Variants in EPHA8 observed in about 807,000 individuals in gnomAD.
The protein encoded by EPHA8 is EPH receptor A8.
In EPHA8, 58 loss-of-function variants were observed where a neutral mutation model predicts 103.6. That is an observed-to-expected ratio of 0.56 (90% CI 0.45 to 0.70). EPHA8 has a LOEUF of 0.70. EPHA8 is among the 30% of genes least tolerant of loss of function. The pLI is 0.00. For synonymous variants in EPHA8, 559 were observed against 572.5 expected (o/e 0.98, Z 0.34); for missense variants, 1,304 against 1,395.2 (o/e 0.93, Z 1.04).
chr1:22,601,010 G>C lies in EPHA8; in HGVS notation c.2651G>C (p.Arg884Pro). The part of the protein sequence containing the change: ...CWHKDRAQRP[R>P]FSQIVSVLDA... Reference sequence around the variant, plus strand: ...CACAAGGACCGGGCGCAGCGGCCTCGCTTCTCCCAGATTGTCAGTGTCCTC... The same window carrying C: ...CACAAGGACCGGGCGCAGCGGCCTCCCTTCTCCCAGATTGTCAGTGTCCTC... The change falls in exon 15 of 17, where the codon CGC (arginine) becomes CCC (proline). Residue 884 changes from arginine (R) to proline (P), a missense_variant. Physicochemically the swap from Arg to Pro is moderately radical, Grantham distance 103. Transcript: ENST00000166244. The C allele has an allele frequency of 6.2e-7, 1 of 1,612,856 alleles. No individual in the cohort carries two copies. Among genetic ancestry groups the C allele is most frequent in the South Asian group, 1.1e-5 (1 of 91,082 alleles).
chr1:22,593,911 C>G (rs1641446742), intron 7 of EPHA8, among the ~76,000 whole-genome samples: 1 of 152,262 alleles, frequency 6.6e-6, no homozygotes, highest in African/African-American at 2.4e-5. Flanking sequence ...CAGCTCACTG[C>G]AACCTCCACC....
In EPHA8 at chr1:22,588,949, A is replaced by C; in HGVS notation, c.1058A>C (p.Asp353Ala). The change falls in exon 5 of 17, where the codon GAC (aspartate) becomes GCC (alanine). Residue 353 changes from aspartate (D) to alanine (A), a missense_variant. Transcript: ENST00000166244. ...ACTCTGGAGTGGGCCCCTCCCCTGG[A>C]CCCAGGTGGCCGCAGTGACATCACC... Reference protein sequence around the residue: ...SVTLEWAPPLDPGGRSDITYN... With the variant: ...SVTLEWAPPLAPGGRSDITYN... 1 of 1,612,814 alleles carries C rather than the reference A, an allele frequency of 6.2e-7. No homozygotes were observed.
intron 3 of EPHA8, among the ~76,000 whole-genome samples, chr1:22,577,813 CATGTGTGT>C (rs1640757776): frequency 7.0e-6 from 1 of 142,302 alleles, no homozygotes; most frequent in Non-Finnish European, 1.5e-5. Context: ...TGTATGTGTG[CATGTGTGT>C]GCATGTGTGC....
At chr1:22,586,775 T>TGCG in intron 4 of EPHA8, 140 bp downstream of exon 4, 1 of 997,714 alleles carries the variant, frequency 1.0e-6, no homozygotes, top group Non-Finnish European at 1.4e-6. Context: ...GAGGCCAGTC[T>TGCG]GAGGTGGGGG....
chr1:22,600,130 AGAAG>A (rs1553149392), intron 13 of EPHA8, among the ~76,000 whole-genome samples: 3 of 82,680 alleles, frequency 3.6e-5, no homozygotes, highest in African/African-American at 4.8e-5. Flanking sequence ...AGGGAAGGAG[AGAAG>A]GAAGGAGGAG....
chr1:22,602,029 C>G lies in EPHA8; in HGVS notation c.*288C>G. 1 of 533,434 alleles carries G rather than the reference C, an allele frequency of 1.9e-6. No individual in the cohort carries two copies. The highest frequency in any genetic ancestry group is 3.3e-6 in the Non-Finnish European group (1 of 304,320). The allele number at this position is 533,434 out of a possible 1,614,324, so 33.0% of individuals were successfully genotyped here. ...GTCACAGAGTCCAACAGGGACATCA[C>G]TCGCCTGCCTCTGTGTGCGTGCATG... On this transcript the variant is annotated 3_prime_UTR_variant, in exon 17 of 17. Coordinates refer to ENST00000166244, the MANE Select transcript of EPHA8 (RefSeq NM_020526.5).
At position 22,563,570 on chromosome 1, in the gene EPHA8, C is replaced by A. The variant is rs1640258005; in HGVS notation, c.-66C>A. On this transcript the variant is annotated 5_prime_UTR_variant, in exon 1 of 17. Coordinates refer to ENST00000166244, the MANE Select transcript of EPHA8 (RefSeq NM_020526.5). The surrounding 1 kb of genome is among the most constrained non-coding windows in gnomAD (Gnocchi z 4.4). ...AGCGAGGGAGCGCGCTCCCTCCCGA[C>A]GCGCGGGCCGCAGCGGCCAAGCCCG... 1 of 145,898 alleles carries A rather than the reference C, an allele frequency of 6.9e-6. No individual in the cohort carries two copies. Among genetic ancestry groups the A allele is most frequent in the Non-Finnish European group, 1.5e-5 (1 of 65,504 alleles). The allele number at this position is 145,898 out of a possible 1,614,324, so 9.0% of individuals were successfully genotyped here.
Position 22,576,449 on chromosome 1 carries a change from G to A in EPHA8, c.392G>A (p.Arg131His), listed in dbSNP as rs757672919. The A allele has an allele frequency of 6.8e-6, 11 of 1,613,938 alleles. No individual in the cohort carries two copies. The highest frequency in any genetic ancestry group is 2.2e-5 in the South Asian group (2 of 91,092). Reference sequence around the variant, plus strand: ...AACCTCTACTACCTGGAGTCGGACCGCGACCTGGGGGCCAGCACACAAGAA... The same window carrying A: ...AACCTCTACTACCTGGAGTCGGACCACGACCTGGGGGCCAGCACACAAGAA... ...TFNLYYLESD[R>H]DLGASTQESQ... The change falls in exon 3 of 17, where the codon CGC (arginine) becomes CAC (histidine). Residue 131 changes from arginine (R) to histidine (H), a missense_variant. Arg to His is a conservative substitution (Grantham distance 29, BLOSUM62 0). Coordinates refer to ENST00000166244, the MANE Select transcript of EPHA8 (RefSeq NM_020526.5). The surrounding 1 kb of genome is among the most constrained non-coding windows in gnomAD (Gnocchi z 4.8).
chr1:22,601,260 C>G (rs7554717), intron 15 of EPHA8, 40 bp from the exon 16 acceptor site: 2 of 1,570,012 alleles, frequency 1.3e-6, no homozygotes, highest in Non-Finnish European at 1.7e-6. Context: ...TCCAGCCTCC[C>G]GAACCCTCTG....
chr1:22,601,595 C>T, intron 16 of EPHA8, 32 bp from the exon 17 acceptor site: 1 of 1,581,660 alleles, frequency 6.3e-7, no homozygotes, highest in African/African-American at 1.4e-5. Context: ...GCCTCCCAGG[C>T]CCAGCTGGCC....
intron 8 of EPHA8, among the ~76,000 whole-genome samples, chr1:22,595,856 C>T (rs1022151648): frequency 1.3e-5 from 2 of 152,236 alleles, no homozygotes; most frequent in Non-Finnish European, 2.9e-5. Flanking sequence ...TAGACTTTGC[C>T]AAGAGGGTCA....
chr1:22,600,303 A>AG (rs1641686638), intron 13 of EPHA8, among the ~76,000 whole-genome samples: 1 of 141,714 alleles, frequency 7.1e-6, no homozygotes, highest in Non-Finnish European at 1.5e-5. Flanking sequence ...AAGGAAGGGA[A>AG]GAGGAAAAGA....
At chr1:22,578,403 TG>T (rs1640848814) in intron 3 of EPHA8, among the ~76,000 whole-genome samples, 1 of 142,282 alleles carries the variant, frequency 7.0e-6, no homozygotes, top group African/African-American at 2.7e-5. Context: ...TCTGCATGAG[TG>T]TATGCATGTC....
intron 5 of EPHA8, among the ~76,000 whole-genome samples, chr1:22,592,101 T>C (rs1283863494): frequency 6.6e-6 from 1 of 152,026 alleles, no homozygotes; most frequent in African/African-American, 2.4e-5. Flanking sequence ...TCTAAGCAAA[T>C]GTGGAGGACT....
chr1:22,570,328 A>ATG (rs1490438884), intron 2 of EPHA8, among the ~76,000 whole-genome samples: 2 of 116,088 alleles, frequency 1.7e-5, no homozygotes, highest in African/African-American at 8.6e-5. Flanking sequence ...ACATGCACAC[A>ATG]CGCACATGCA....
rs377167560 is a variant in EPHA8, at chr1:22,599,056, C to T, written c.2388+9C>T. The T allele has an allele frequency of 2.2e-4, 351 of 1,590,160 alleles. No homozygotes were observed. The highest frequency in any genetic ancestry group is 2.8e-4 in the Non-Finnish European group (330 of 1,168,486). On this transcript the variant is annotated intron_variant, in intron 13 of 16. Coordinates refer to ENST00000166244, the MANE Select transcript of EPHA8 (RefSeq NM_020526.5). ...CTGCCTACACCACCACGGTGCGTCG[C>T]CCACACTCCTTCCGGCTAGACTGGG... is the stretch of plus-strand genomic sequence containing the variant.
At position 22,601,327 on chromosome 1, in the gene EPHA8, C is replaced by T. The variant is rs12134872; in HGVS notation, c.2757C>T (p.Ser919=). Reference sequence around the variant, plus strand: ...GCCCACCCCCTGCCTTCGTCCGGAGCTGCTTTGACCTCCGAGGGGGCAGCG... The same window carrying T: ...GCCCACCCCCTGCCTTCGTCCGGAGTTGCTTTGACCTCCGAGGGGGCAGCG... The part of the protein sequence containing the change: ...SRCPPPAFVR[S]CFDLRGGSGG... Residue 919 remains serine (S), a synonymous_variant, in exon 16 of 17, where the codon AGC becomes AGT. Coordinates refer to ENST00000166244, the MANE Select transcript of EPHA8 (RefSeq NM_020526.5). The T allele has an allele frequency of 6.2e-7, 1 of 1,605,908 alleles. No individual in the cohort carries two copies. Among genetic ancestry groups the T allele is most frequent in the Non-Finnish European group, 8.5e-7 (1 of 1,177,866 alleles).
chr1:22,595,269 T>C lies in EPHA8; in HGVS notation c.1643T>C (p.Leu548Pro), dbSNP rs1557578304. The change falls in exon 8 of 17, where the codon CTG (leucine) becomes CCG (proline). Residue 548 changes from leucine (L) to proline (P), a missense_variant. By Grantham distance (98) the Leu-to-Pro change is moderately conservative (BLOSUM62 -3). Coordinates refer to ENST00000166244, the MANE Select transcript of EPHA8 (RefSeq NM_020526.5). ...ACCAGGACCATTGTCTGGATCTGCC[T>C]GACGCTCATCACGGGCCTGGTGGTG... ...YDTRTIVWIC[L>P]TLITGLVVLL... is the part of the protein sequence containing the mutation. 6.2e-7 allele frequency: 1 copy of C among 1,613,760 alleles called. No individual in the cohort carries two copies. The highest frequency in any genetic ancestry group is 8.5e-7 in the Non-Finnish European group (1 of 1,179,886).
At chr1:22,568,474 G>C (rs923353131) in intron 1 of EPHA8, among the ~76,000 whole-genome samples, 1 of 152,216 alleles carries the variant, frequency 6.6e-6, no homozygotes, top group African/African-American at 2.4e-5. Flanking sequence ...CCGAATGGCA[G>C]CTCCGCCAGC....
Sources: allele counts gnomAD v4.1 joint callset (sites outside exome capture counted in the v4.1 genomes callset), GRCh38; gene constraint gnomAD v4.1.1; non-coding constraint Gnocchi (gnomAD v3.1); transcripts MANE v1.5; gene names NCBI Gene and HGNC (gene_info 2026-07-23, HGNC 2026-07-21).